Variants in TEX9 observed in about 807,000 individuals in gnomAD.
The protein encoded by TEX9 is testis expressed 9, also known as testis-expressed protein 9.
TEX9 carries 74 observed loss-of-function variants against 59.6 expected under a neutral mutation model. The ratio of observed to expected loss-of-function variants is 1.24; its 90% CI spans 1.03 to 1.51. The LOEUF (loss-of-function observed/expected upper bound fraction) is 1.51, where lower values mean the gene tolerates loss of function less well. Ranked by LOEUF, TEX9 falls within the 40% of genes most tolerant of loss-of-function variation. TEX9 has a pLI of 0.00. For missense variants in TEX9, 522 were observed against 447.8 expected (o/e 1.17, Z -1.49); for synonymous variants, 186 against 152.2 (o/e 1.22, Z -1.64).
intron 1 of TEX9, chr15:56,323,166 C>T (rs967549769): frequency 9.2e-6 from 2 of 217,586 alleles, no homozygotes; most frequent in Admixed American, 8.3e-5. Context: ...CATATGCATT[C>T]TTTGTGCAAA....
chr15:56,332,362 C>A (rs1189730697), intron 1 of TEX9, among the ~76,000 whole-genome samples: 1 of 150,860 alleles, frequency 6.6e-6, no homozygotes, highest in Non-Finnish European at 1.5e-5. Flanking sequence ...AGTAAACTAT[C>A]GCAAGAACAA....
At chr15:56,399,025 T>C (rs1477915158) in intron 9 of TEX9, among the ~76,000 whole-genome samples, 1 of 152,194 alleles carries the variant, frequency 6.6e-6, no homozygotes, top group Non-Finnish European at 1.5e-5. Flanking sequence ...CTCTGGTCTG[T>C]AGCTCCCAGT....
At chr15:56,433,634 G>A (rs1400240051) in intron 12 of TEX9, among the ~76,000 whole-genome samples, 1 of 151,836 alleles carries the variant, frequency 6.6e-6, no homozygotes, top group Non-Finnish European at 1.5e-5. Flanking sequence ...CCCTATCTCC[G>A]AGCTTACTCA....
intron 9 of TEX9, chr15:56,396,972 A>C (rs1172826536): frequency 9.2e-5 from 14 of 152,278 alleles, no homozygotes; most frequent in African/African-American, 3.4e-4. Context: ...GTCAGGCGCT[A>C]CTGAAAAGAT....
chr15:56,364,149 T>C (rs1268615801), upstream of TEX9, among the ~76,000 whole-genome samples: 2 of 152,046 alleles, frequency 1.3e-5, no homozygotes, highest in South Asian at 2.1e-4. Context: ...TATTTTTTTT[T>C]CCTTTTTTTT....
chr15:56,414,505 G>A (rs1318439491), intron 10 of TEX9, among the ~76,000 whole-genome samples: 2 of 151,770 alleles, frequency 1.3e-5, no homozygotes, highest in African/African-American at 4.9e-5. Context: ...TCGGTTTTGT[G>A]TTCCTACATT....
At chr15:56,275,056 G>A (rs117196767) in intron 1 of TEX9, among the ~76,000 whole-genome samples, 107 of 152,270 alleles carry the variant, frequency 7.0e-4, no homozygotes, top group Non-Finnish European at 1.1e-3. Flanking sequence ...TGTTGTCTTA[G>A]TTTAGCCTCA....
chr15:56,317,251 C>G (rs1333058088), intron 1 of TEX9, among the ~76,000 whole-genome samples: 1 of 152,208 alleles, frequency 6.6e-6, no homozygotes, highest in African/African-American at 2.4e-5. Flanking sequence ...TCTCTTTATT[C>G]TCAAGTCAAA....
chr15:56,427,805 T>G (rs1012240923), intron 11 of TEX9, 66 bp downstream of exon 11: 18 of 1,291,204 alleles, frequency 1.4e-5, no homozygotes, highest in Non-Finnish European at 1.7e-5. Context: ...AATTTAGCAT[T>G]TTTCACTTTA....
intron 1 of TEX9, among the ~76,000 whole-genome samples, chr15:56,311,332 C>T (rs1213392910): frequency 7.3e-6 from 1 of 136,282 alleles, no homozygotes; most frequent in Non-Finnish European, 1.6e-5. Context: ...TGTGATATTC[C>T]CCTTCCTGTG....
At chr15:56,298,478 T>C (rs1032329164) in intron 1 of TEX9, among the ~76,000 whole-genome samples, 2 of 152,250 alleles carry the variant, frequency 1.3e-5, no homozygotes, top group African/African-American at 4.8e-5. Context: ...TGTTTATTTT[T>C]ATTTAAAGAT....
the TEX9 span, among the ~76,000 whole-genome samples, chr15:56,454,774 G>C: frequency 1.3e-5 from 2 of 151,920 alleles, no homozygotes; most frequent in African/African-American, 4.8e-5. Flanking sequence ...ACCATAGCCC[G>C]TATCTCTTTT....
intron 1 of TEX9, among the ~76,000 whole-genome samples, chr15:56,248,420 T>G (rs79240849): frequency 6.6e-6 from 1 of 152,154 alleles, no homozygotes; most frequent in African/African-American, 2.4e-5. Flanking sequence ...CTGTTAACAC[T>G]GTCACTACCT....
At chr15:56,266,371 T>A (rs550125350) in intron 1 of TEX9, among the ~76,000 whole-genome samples, 277 of 151,994 alleles carry the variant, frequency 1.8e-3, no homozygotes, top group Non-Finnish European at 3.2e-3. Flanking sequence ...ACATGTGCAC[T>A]ATGTGCAGGT....
In TEX9 at chr15:56,315,019, C is replaced by T. The variant is rs1378014152; in HGVS notation, c.-106-58422C>T. The stretch of plus-strand genomic sequence containing the variant: ...ATTTGCTTGGTAGATCTTCCTCCAT[C>T]CTTTTATTTTGAGCCTATGTGTGTC... On this transcript the variant is annotated intron_variant, in intron 1 of 5. Coordinates refer to the TEX9 transcript ENST00000560827. Among the ~76,000 whole-genome samples the T allele has an allele frequency of 2.0e-5, 3 of 151,072 alleles. No individual in the cohort carries two copies. The Admixed American group carries it at 2.0e-4, about 10-fold the overall frequency.
rs60361737 is a variant in TEX9, at chr15:56,300,708, G to GGAGAGAGAGAGAGAGAGAGA, written c.-107+56449_-107+56468dup. On this transcript the variant is annotated intron_variant, in intron 1 of 5. Coordinates refer to the TEX9 transcript ENST00000560827. ...AGCAGAGAGAGAGAGAGAGAGAGAG[G>GGAGAGAGAGAGAGAGAGAGA]GAGAGAGAGAGAGAGAGAGAGAGAG... Among the ~76,000 whole-genome samples the GGAGAGAGAGAGAGAGAGAGA allele has an allele frequency of 2.5e-4, 26 of 102,724 alleles. 1 individual carries two copies. Among genetic ancestry groups the GGAGAGAGAGAGAGAGAGAGA allele is most frequent in the African/African-American group, 9.1e-4 (23 of 25,364 alleles). 67.4% of individuals were successfully genotyped at this position (102,724 alleles called of 152,430 possible).
chr15:56,255,867 C>A (rs1320584468), intron 1 of TEX9, among the ~76,000 whole-genome samples: 2 of 151,928 alleles, frequency 1.3e-5, no homozygotes, highest in Non-Finnish European at 2.9e-5. Context: ...AACAAAGAAG[C>A]TTGATCGAAT....
intron 1 of TEX9, among the ~76,000 whole-genome samples, chr15:56,289,960 G>A (rs2045049467): frequency 6.6e-6 from 1 of 152,234 alleles, no homozygotes; most frequent in Non-Finnish European, 1.5e-5. Context: ...AGCTCTCTAT[G>A]GCAGCTGAGC....
chr15:56,406,738 A>G lies in TEX9; in HGVS notation c.829-5564A>G, dbSNP rs140824847. ...TTTCATGTGTTTCTTGGCCGTTCAT[A>G]TATCTTCTTTTGCGATGTATTTGTT... On this transcript the variant is annotated intron_variant, in intron 9 of 12. Transcript: ENST00000352903. Among the ~76,000 whole-genome samples, 33 of 152,274 alleles carry G rather than the reference A, an allele frequency of 2.2e-4. 1 individual carries two copies. In the East Asian group the frequency reaches 5.8e-3, roughly 27 times the overall value.
Sources: gnomAD v4.1 joint callset for allele counts (sites outside exome capture counted in the v4.1 genomes callset) on GRCh38, gnomAD v4.1.1 for gene constraint, MANE v1.5 for transcripts, NCBI Gene and HGNC (gene_info 2026-07-23, HGNC 2026-07-21) for gene names.